ZMYND11: variants seen among roughly 807,000 people sequenced by gnomAD.
ZMYND11 encodes zinc finger MYND domain-containing protein 11.
In ZMYND11, 9 loss-of-function variants were observed where a neutral mutation model predicts 84.9. The observed-to-expected ratio is 0.11, with a 90% CI of 0.06 to 0.18. The LOEUF is 0.18. Ranked by LOEUF, ZMYND11 falls within the 10% of genes least tolerant of loss-of-function variation. The pLI is 1.00. For missense variants in ZMYND11, 409 were observed against 761.0 expected (o/e 0.54, Z 5.44); for synonymous variants, 250 against 244.1 (o/e 1.02, Z -0.23).
intron 6 of ZMYND11, among the ~76,000 whole-genome samples, chr10:238,679 A>C (rs2131718449): frequency 6.6e-6 from 1 of 152,304 alleles, no homozygotes; most frequent in Non-Finnish European, 1.5e-5. Context: ...GTACCCAAGA[A>C]AGACTGTGGC....
intron 1 of ZMYND11, among the ~76,000 whole-genome samples, chr10:172,756 A>G (rs568867868): frequency 7.7e-4 from 117 of 152,330 alleles, no homozygotes; most frequent in Admixed American, 3.2e-3. Flanking sequence ...TCTAAAGTTT[A>G]TATGCAGAGA....
intron 10 of ZMYND11, among the ~76,000 whole-genome samples, chr10:245,661 C>A (rs116138064): frequency 3.0e-3 from 455 of 152,310 alleles, no homozygotes; most frequent in African/African-American, 0.01. Flanking sequence ...ACATTGTCTG[C>A]TGTCTAAATC....
At chr10:185,763 C>T (rs1588744862) in intron 2 of ZMYND11, among the ~76,000 whole-genome samples, 1 of 126,578 alleles carries the variant, frequency 7.9e-6, no homozygotes, top group East Asian at 2.6e-4. Flanking sequence ...TGCAGTCAGT[C>T]AAGATTGCGC....
rs146838489 is a variant in ZMYND11 at position 248,386 on chromosome 10, G to A, written c.1278G>A (p.Thr426=). Reference sequence around the variant, plus strand: ...TAAGTTCTAGCCAGGAAATACCCACGATGCCTCAGCCCATCGAAAAAGTCT... The same window carrying A: ...TAAGTTCTAGCCAGGAAATACCCACAATGCCTCAGCCCATCGAAAAAGTCT... ...EAVSSSQEIP[T]MPQPIEKVSV... The change falls in exon 13 of 15, where the codon ACG becomes ACA. Residue 426 remains threonine (T), a synonymous_variant. Coordinates refer to ENST00000381604, the MANE Select transcript of ZMYND11 (RefSeq NM_001370100.5). 50 of 1,614,014 alleles carry A rather than the reference G, an allele frequency of 3.1e-5. No individual in the cohort carries two copies. Among genetic ancestry groups the A allele is most frequent in the African/African-American group, 4.0e-5 (3 of 74,910 alleles).
At chr10:175,906 A>G (rs1165992331) in intron 1 of ZMYND11, among the ~76,000 whole-genome samples, 1 of 152,224 alleles carries the variant, frequency 6.6e-6, no homozygotes, top group African/African-American at 2.4e-5. Context: ...ACCTACCACC[A>G]GAAGTAAAAA....
At chr10:212,152 A>G (rs1411028080) in intron 3 of ZMYND11, among the ~76,000 whole-genome samples, 1 of 152,036 alleles carries the variant, frequency 6.6e-6, no homozygotes, top group Non-Finnish European at 1.5e-5. Context: ...GTACTTTCCT[A>G]TATGCTTTCT....
intron 4 of ZMYND11, among the ~76,000 whole-genome samples, chr10:235,840 C>G (rs186792096): frequency 3.3e-4 from 50 of 152,306 alleles, no homozygotes; most frequent in African/African-American, 1.2e-3. Flanking sequence ...AAATGTGTTT[C>G]CACTTGTTAT....
At chr10:250,861 A>G (rs1183441112) in intron 14 of ZMYND11, among the ~76,000 whole-genome samples, 1 of 152,162 alleles carries the variant, frequency 6.6e-6, no homozygotes, top group East Asian at 1.9e-4. Flanking sequence ...CATCTCTACA[A>G]AAAATACAAA....
intron 14 of ZMYND11, among the ~76,000 whole-genome samples, chr10:250,976 T>C (rs574209085): frequency 2.0e-5 from 3 of 152,234 alleles, no homozygotes; most frequent in South Asian, 2.1e-4. Flanking sequence ...TGAGCTGAGA[T>C]TGTGCCACTG....
At chr10:205,789 A>G (rs1037366386) in intron 2 of ZMYND11, among the ~76,000 whole-genome samples, 2 of 151,728 alleles carry the variant, frequency 1.3e-5, no homozygotes, top group Non-Finnish European at 2.9e-5. Context: ...GTAATTTTTA[A>G]GTAACTTTTT....
chr10:154,543 T>G (rs1841236439), intron 1 of ZMYND11, among the ~76,000 whole-genome samples: 1 of 152,148 alleles, frequency 6.6e-6, no homozygotes, highest in African/African-American at 2.4e-5. Flanking sequence ...ATGACTCAGT[T>G]TTCAGCTGCT....
intron 4 of ZMYND11, among the ~76,000 whole-genome samples, chr10:234,805 C>T (rs1352848905): frequency 2.0e-5 from 3 of 152,322 alleles, no homozygotes; most frequent in Admixed American, 6.5e-5. Context: ...AAACTGCTTA[C>T]TTAGTACAGA....
At chr10:142,469 G>A (rs1324727145) in intron 1 of ZMYND11, among the ~76,000 whole-genome samples, 1 of 152,062 alleles carries the variant, frequency 6.6e-6, no homozygotes, top group Non-Finnish European at 1.5e-5. Flanking sequence ...TCACAGAGGC[G>A]TCATGAGGGA....
chr10:244,669 C>T (rs1021696463), intron 10 of ZMYND11: 22 of 152,238 alleles, frequency 1.4e-4, no homozygotes, highest in Admixed American at 1.4e-3. Flanking sequence ...TTTTATTCTG[C>T]AAATGTAGTT....
chr10:155,551 C>A (rs1841494341), intron 1 of ZMYND11, among the ~76,000 whole-genome samples: 1 of 152,042 alleles, frequency 6.6e-6, no homozygotes, highest in Admixed American at 6.5e-5. Context: ...AAATCGCGAA[C>A]AATACAGTGG....
At chr10:145,483 G>A (rs1236198402) in intron 1 of ZMYND11, among the ~76,000 whole-genome samples, 6 of 152,098 alleles carry the variant, frequency 3.9e-5, no homozygotes, top group African/African-American at 4.8e-5. Context: ...GCCGTTTTCT[G>A]TAGAGGTTGT....
chr10:245,797 GTTCT>G (rs1322221105), intron 10 of ZMYND11, among the ~76,000 whole-genome samples: 1 of 152,128 alleles, frequency 6.6e-6, no homozygotes, highest in East Asian at 1.9e-4. Context: ...TTATTCCTTA[GTTCT>G]TTCTGACAAA....
At chr10:157,830 C>G (rs1305291312) in intron 1 of ZMYND11, among the ~76,000 whole-genome samples, 1 of 152,180 alleles carries the variant, frequency 6.6e-6, no homozygotes, top group Non-Finnish European at 1.5e-5. Context: ...AGAGCATTTT[C>G]ACTACCCCAA....
intron 2 of ZMYND11, among the ~76,000 whole-genome samples, chr10:188,827 A>G (rs955672004): frequency 6.6e-6 from 1 of 152,228 alleles, no homozygotes. Context: ...TACTGTTGAA[A>G]TAAGTACAGA....
Sources: allele counts gnomAD v4.1 joint callset (sites outside exome capture counted in the v4.1 genomes callset), GRCh38; gene constraint gnomAD v4.1.1; transcripts MANE v1.5; gene names NCBI Gene and HGNC (gene_info 2026-07-23, HGNC 2026-07-21).